LMO7: variants seen among roughly 807,000 people sequenced by gnomAD.
The protein encoded by LMO7 is LIM domain only protein 7.
A neutral mutation model predicts 206.5 loss-of-function variants in LMO7; 120 were observed. The observed-to-expected ratio is 0.58, with a 90% confidence interval of 0.50 to 0.68. The LOEUF is 0.68. Ranked by LOEUF, LMO7 falls within the 30% of genes least tolerant of loss-of-function variation. The pLI, the probability that LMO7 is intolerant of heterozygous loss-of-function variation, is 0.00. For synonymous variants in LMO7, 706 were observed against 681.5 expected (o/e 1.04, Z -0.56); for missense variants, 1,959 against 1,957.9 (o/e 1.00, Z -0.01).
chr13:75,843,279 G>A (rs967927858), intron 25 of LMO7, among the ~76,000 whole-genome samples: 6 of 152,132 alleles, frequency 3.9e-5, no homozygotes, highest in Admixed American at 1.3e-4. Context: ...TTTGATATCC[G>A]CTGAGCCAGG....
At chr13:75,641,368 T>C (rs1469105147) in intron 1 of LMO7, among the ~76,000 whole-genome samples, 1 of 152,232 alleles carries the variant, frequency 6.6e-6, no homozygotes, top group East Asian at 1.9e-4. Context: ...TTATTCTTAC[T>C]GAAGTACCTT....
At chr13:75,676,420 C>G (rs895800150) in intron 1 of LMO7, among the ~76,000 whole-genome samples, 1 of 152,158 alleles carries the variant, frequency 6.6e-6, no homozygotes, top group Non-Finnish European at 1.5e-5. Context: ...CAAGCCGGCT[C>G]CTTTACATTA....
At chr13:75,837,988 C>A in intron 19 of LMO7, 152 bp from the exon 20 acceptor site, 1 of 565,188 alleles carries the variant, frequency 1.8e-6, no homozygotes, top group Non-Finnish European at 3.2e-6. Flanking sequence ...GTCCCTGTGC[C>A]TTGAAATAAT....
At chr13:75,711,566 T>C (rs1200306510) in intron 1 of LMO7, among the ~76,000 whole-genome samples, 1 of 152,244 alleles carries the variant, frequency 6.6e-6, no homozygotes, top group East Asian at 1.9e-4. Flanking sequence ...TTGTGCTTCC[T>C]GGGCGAGACG....
chr13:75,742,896 T>C (rs2046526012), intron 3 of LMO7, among the ~76,000 whole-genome samples: 1 of 152,126 alleles, frequency 6.6e-6, no homozygotes, highest in Non-Finnish European at 1.5e-5. Flanking sequence ...CCTAAAGAAC[T>C]TCTGCACAGC....
At chr13:75,843,902 G>A (rs758653730) in intron 25 of LMO7, among the ~76,000 whole-genome samples, 2 of 152,116 alleles carry the variant, frequency 1.3e-5, no homozygotes, top group Non-Finnish European at 2.9e-5. Context: ...AGAATAAAAG[G>A]GGAAAAGGAA....
chr13:75,855,135 CCA>C (rs2060820432), intron 28 of LMO7, 123 bp from the exon 29 acceptor site: 1 of 545,510 alleles, frequency 1.8e-6, no homozygotes, highest in Admixed American at 3.2e-5. Flanking sequence ...AGTTATTCTC[CCA>C]CAGATATATG....
chr13:75,854,131 A>G (rs1189868229), intron 28 of LMO7, among the ~76,000 whole-genome samples: 1 of 152,168 alleles, frequency 6.6e-6, no homozygotes, highest in Non-Finnish European at 1.5e-5. Context: ...TTCATGCCTC[A>G]TGTAAGTATA....
chr13:75,691,413 C>G (rs1413281755), intron 1 of LMO7, among the ~76,000 whole-genome samples: 1 of 152,142 alleles, frequency 6.6e-6, no homozygotes, highest in Non-Finnish European at 1.5e-5. Flanking sequence ...AGTAAACAAC[C>G]TGGTGTCACA....
intron 3 of LMO7, among the ~76,000 whole-genome samples, chr13:75,737,428 G>A (rs1472844849): frequency 2.0e-5 from 3 of 151,704 alleles, no homozygotes; most frequent in Non-Finnish European, 2.9e-5. Flanking sequence ...AATACAGATA[G>A]GTACATGTTT....
intron 1 of LMO7, among the ~76,000 whole-genome samples, chr13:75,684,475 C>T (rs533043275): frequency 6.6e-6 from 1 of 151,766 alleles, no homozygotes; most frequent in South Asian, 2.1e-4. Flanking sequence ...GAACTCCTGA[C>T]CTCAGGTGAT....
rs957191785 is a variant in LMO7 at position 75,623,245 on chromosome 13, T to G, written c.176-26T>G. 4 of 1,203,132 alleles carry G rather than the reference T, an allele frequency of 3.3e-6. No homozygotes were observed. In the African/African-American group the frequency reaches 6.1e-5, roughly 18 times the overall value. The allele number at this position is 1,203,132 out of a possible 1,614,324, so 74.5% of individuals were successfully genotyped here. On this transcript the variant is annotated intron_variant, in intron 1 of 29. Transcript: ENST00000341547. The stretch of plus-strand genomic sequence containing the variant: ...TTTTTTTCTGTATTGGTTTTTTAAC[T>G]TTCCTAATCATGACTTTTTACACAG...
At chr13:75,650,062 G>C (rs1201413698) in intron 1 of LMO7, among the ~76,000 whole-genome samples, 3 of 152,080 alleles carry the variant, frequency 2.0e-5, no homozygotes, top group Admixed American at 2.0e-4. Context: ...GTCTCAAGTA[G>C]TCCTCCCACT....
chr13:75,686,750 G>GA (rs2041034143), intron 1 of LMO7, among the ~76,000 whole-genome samples: 1 of 152,040 alleles, frequency 6.6e-6, no homozygotes, highest in Non-Finnish European at 1.5e-5. Context: ...AGTCAGGGCT[G>GA]CTATAACAGA....
At chr13:75,731,854 G>C (rs1248375291) in intron 3 of LMO7, among the ~76,000 whole-genome samples, 2 of 151,800 alleles carry the variant, frequency 1.3e-5, no homozygotes, top group Admixed American at 1.3e-4. Flanking sequence ...GCATTTGCTT[G>C]TCTGTAAAGT....
intron 27 of LMO7, 130 bp downstream of exon 27, chr13:75,849,422 G>T: frequency 4.6e-6 from 3 of 652,310 alleles, no homozygotes; most frequent in Non-Finnish European, 2.7e-6. Context: ...ACTATTATGT[G>T]TCAGTTTACA....
At chr13:75,675,917 C>T (rs925902463) in intron 1 of LMO7, among the ~76,000 whole-genome samples, 2 of 148,840 alleles carry the variant, frequency 1.3e-5, no homozygotes, top group African/African-American at 4.9e-5. Flanking sequence ...CACACACACA[C>T]GTCATATACA....
intron 1 of LMO7, among the ~76,000 whole-genome samples, chr13:75,647,951 C>CTTTTTTTTTTTTTTTTTTT (rs570513211): frequency 6.6e-5 from 6 of 91,128 alleles, no homozygotes; most frequent in South Asian, 4.5e-4. Context: ...TCTTTTCTTT[C>CTTTTTTTTTTTTTTTTTTT]TTTTTTTTTT....
chr13:75,820,219 A>G (rs2057437339), intron 13 of LMO7, among the ~76,000 whole-genome samples: 1 of 152,242 alleles, frequency 6.6e-6, no homozygotes, highest in Non-Finnish European at 1.5e-5. Flanking sequence ...ATTCACTTAA[A>G]TGCAATTCAG....
Sources: allele counts gnomAD v4.1 joint callset (sites outside exome capture counted in the v4.1 genomes callset), GRCh38; gene constraint gnomAD v4.1.1; transcripts MANE v1.5; gene names NCBI Gene and HGNC (gene_info 2026-07-23, HGNC 2026-07-21).